The following COX7B2 variants were observed in gnomAD, a reference collection of about 807,000 sequenced individuals.
COX7B2 encodes cytochrome c oxidase subunit 7B2.
For synonymous variants in COX7B2, 37 were observed against 32.1 expected, an observed-to-expected ratio of 1.15 and a Z score of -0.51; for missense variants, 109 against 95.9, an observed-to-expected ratio of 1.14 and a Z score of -0.57.
chr4:46,828,334 G>A (rs999930674), intron 2 of COX7B2, among the ~76,000 whole-genome samples: 5 of 152,170 alleles, frequency 3.3e-5, no homozygotes, highest in Non-Finnish European at 5.9e-5. Flanking sequence ...TGAAAATAAG[G>A]CTCATATTCC....
chr4:46,873,292 A>G (rs1718117051), intron 1 of COX7B2, among the ~76,000 whole-genome samples: 1 of 152,146 alleles, frequency 6.6e-6, no homozygotes, highest in African/African-American at 2.4e-5. Context: ...ATACGTATGC[A>G]TGTGTCTTTA....
chr4:46,762,255 TATATA>T (rs1270566103), intron 2 of COX7B2, among the ~76,000 whole-genome samples: 1 of 138,256 alleles, frequency 7.2e-6, no homozygotes, highest in Non-Finnish European at 1.5e-5. Flanking sequence ...ATATATTTAA[TATATA>T]ATATATTTAA....
Position 46,820,790 on chromosome 4 carries a change from G to A in COX7B2, c.-50+24170C>T, listed in dbSNP as rs188231699. Among the ~76,000 whole-genome samples the A allele has an allele frequency of 2.5e-4, 37 of 146,690 alleles. No homozygotes were observed. The East Asian group carries it at 6.7e-3, about 26-fold the overall frequency. ...GAGCTGAGATCATGCCATTGCACTCGAGCCTGGACAAAAAAAGCAAAACTC... is the reference window on the plus strand; with the variant it reads ...GAGCTGAGATCATGCCATTGCACTCAAGCCTGGACAAAAAAAGCAAAACTC... On this transcript the variant is annotated intron_variant, in intron 2 of 2. Transcript: ENST00000355591.
chr4:46,863,436 G>A (rs1717452597), intron 1 of COX7B2, among the ~76,000 whole-genome samples: 1 of 152,192 alleles, frequency 6.6e-6, no homozygotes, highest in African/African-American at 2.4e-5. Flanking sequence ...GGAATTTTGT[G>A]TGTAATTAAG....
intron 2 of COX7B2, among the ~76,000 whole-genome samples, chr4:46,752,203 G>T (rs567743727): frequency 2.6e-5 from 4 of 152,226 alleles, no homozygotes; most frequent in African/African-American, 9.6e-5. Flanking sequence ...GTTCACTCAT[G>T]ATTTCACACT....
At chr4:46,901,007 T>C (rs1056924566) in intron 1 of COX7B2, among the ~76,000 whole-genome samples, 1 of 152,230 alleles carries the variant, frequency 6.6e-6, no homozygotes, top group Non-Finnish European at 1.5e-5. Flanking sequence ...AATATGTAAC[T>C]TTATTATTAC....
intron 1 of COX7B2, among the ~76,000 whole-genome samples, chr4:46,863,520 C>CT (rs1461343230): frequency 6.6e-6 from 1 of 152,166 alleles, no homozygotes; most frequent in Non-Finnish European, 1.5e-5. Context: ...GCAAGATCTT[C>CT]TTAAGATATT....
At chr4:46,785,729 T>C (rs1276177242) in intron 2 of COX7B2, among the ~76,000 whole-genome samples, 1 of 151,924 alleles carries the variant, frequency 6.6e-6, no homozygotes, top group Admixed American at 6.6e-5. Context: ...AAAGCCTGGG[T>C]GGACAGGGGA....
chr4:46,763,790 T>C (rs890734325), intron 2 of COX7B2, among the ~76,000 whole-genome samples: 1 of 152,308 alleles, frequency 6.6e-6, no homozygotes, highest in Admixed American at 6.5e-5. Context: ...TAAACACAGA[T>C]GTATATATAA....
chr4:46,818,553 C>T (rs534518905), intron 2 of COX7B2, among the ~76,000 whole-genome samples: 30 of 151,740 alleles, frequency 2.0e-4, no homozygotes, highest in East Asian at 1.2e-3. Context: ...AGGAGAATGG[C>T]GTGAACCCAG....
At chr4:46,798,386 G>T (rs767325388) in intron 2 of COX7B2, among the ~76,000 whole-genome samples, 5 of 152,154 alleles carry the variant, frequency 3.3e-5, no homozygotes, top group African/African-American at 9.7e-5. Flanking sequence ...AGCATTGAGT[G>T]AGGCCATCAA....
intron 2 of COX7B2, among the ~76,000 whole-genome samples, chr4:46,767,169 G>T (rs1347889529): frequency 6.6e-6 from 1 of 152,160 alleles, no homozygotes; most frequent in Non-Finnish European, 1.5e-5. Flanking sequence ...GATGCAAAAA[G>T]ATATTCCACG....
At chr4:46,793,604 G>C (rs547412898) in intron 2 of COX7B2, among the ~76,000 whole-genome samples, 3 of 152,158 alleles carry the variant, frequency 2.0e-5, no homozygotes, top group Non-Finnish European at 4.4e-5. Context: ...ATTCAGATGT[G>C]CAGCTCAAAC....
intron 2 of COX7B2, among the ~76,000 whole-genome samples, chr4:46,808,654 A>T (rs767921276): frequency 1.3e-5 from 2 of 151,870 alleles, no homozygotes; most frequent in African/African-American, 2.4e-5. Flanking sequence ...CTCCCCATTG[A>T]TTATAATATT....
intron 2 of COX7B2, among the ~76,000 whole-genome samples, chr4:46,767,252 C>T (rs1409385933): frequency 2.0e-5 from 3 of 152,098 alleles, no homozygotes; most frequent in Non-Finnish European, 4.4e-5. Flanking sequence ...CAAAAATTGT[C>T]ATAGAAAGAC....
intron 2 of COX7B2, among the ~76,000 whole-genome samples, chr4:46,788,556 T>C (rs1212039006): frequency 6.6e-6 from 1 of 152,184 alleles, no homozygotes; most frequent in Non-Finnish European, 1.5e-5. Context: ...GCCAACATGC[T>C]TTGACCCAAA....
chr4:46,753,277 T>G (rs1715519529), intron 2 of COX7B2, among the ~76,000 whole-genome samples: 1 of 152,126 alleles, frequency 6.6e-6, no homozygotes, highest in African/African-American at 2.4e-5. Flanking sequence ...CCTTTATCAT[T>G]TTTTATTGCA....
At chr4:46,794,695 A>G (rs963154722) in intron 2 of COX7B2, among the ~76,000 whole-genome samples, 3 of 152,184 alleles carry the variant, frequency 2.0e-5, no homozygotes, top group African/African-American at 7.2e-5. Flanking sequence ...ACTGCCAAAG[A>G]CAAGGTGGGC....
intron 1 of COX7B2, among the ~76,000 whole-genome samples, chr4:46,869,625 A>C (rs559034438): frequency 6.6e-6 from 1 of 152,170 alleles, no homozygotes; most frequent in Non-Finnish European, 1.5e-5. Context: ...TCCTTTGCTT[A>C]GCAAGCTTAA....
Sources: gnomAD v4.1 joint callset for allele counts (sites outside exome capture counted in the v4.1 genomes callset) on GRCh38, gnomAD v4.1.1 for gene constraint, MANE v1.5 for transcripts, NCBI Gene and HGNC (gene_info 2026-07-23, HGNC 2026-07-21) for gene names.